Variants in AR observed in about 807,000 individuals in gnomAD.
AR encodes androgen receptor.
Under a neutral mutation model 53.9 loss-of-function variants are expected in AR, and 8 were observed. The observed-to-expected ratio is 0.15, with a 90% CI of 0.09 to 0.27. The LOEUF is 0.27. Ranked by LOEUF, AR falls within the 10% of genes least tolerant of loss-of-function variation. The probability of loss-of-function intolerance (pLI) is 1.00; values close to 1 mark genes in which losing one functional copy is unlikely to be tolerated. For synonymous variants in AR, 359 were observed against 316.4 expected, an observed-to-expected ratio of 1.13 and a Z score of -1.43; for missense variants, 639 against 742.5, an observed-to-expected ratio of 0.86 and a Z score of 1.62.
chrX:67,695,707 C>T, intron 3 of AR: 1 of 748,499 alleles, frequency 1.3e-6, no homozygotes, highest in Non-Finnish European at 1.6e-6. Flanking sequence ...TTGCCTGGGG[C>T]CTGTCTTTCC....
chrX:67,675,879 C>A (rs758171143), intron 2 of AR, among the ~76,000 whole-genome samples: 49 of 111,397 alleles, frequency 4.4e-4, no homozygotes, highest in Non-Finnish European at 7.7e-4. Flanking sequence ...CTTGCTCCAC[C>A]TCTACCCTAG....
In AR at chrX:67,545,222, C is replaced by G. The variant is rs2147314038; in HGVS notation, c.76C>G (p.Leu26Val). ...GACCTACCGAGGAGCTTTCCAGAAT[C>G]TGTTCCAGAGCGTGCGCGAAGTGAT... ...SKTYRGAFQN[L>V]FQSVREVIQN... Residue 26 changes from leucine to valine, a missense_variant, in exon 1 of 8, where the codon CTG becomes GTG. By Grantham distance (32) the Leu-to-Val change is conservative. Around this residue, in one of 5 missense-constraint regions of AR, gnomAD observed 55 missense variants for 84.8 expected, o/e 0.65. Transcript: ENST00000374690. The G allele has an allele frequency of 8.3e-7, 1 of 1,210,343 alleles. No homozygotes were observed. The highest frequency in any genetic ancestry group is 1.1e-6 in the Non-Finnish European group (1 of 895,162).
In AR at chrX:67,658,656, G is replaced by C. The variant is rs1926705411; in HGVS notation, c.1768+15249G>C. Reference sequence around the variant, plus strand: ...CTTGAAACTAGGGAGAGATGTGTGAGTTCTGGGCAACCAGTAGTTGGCTTT... The same window carrying C: ...CTTGAAACTAGGGAGAGATGTGTGACTTCTGGGCAACCAGTAGTTGGCTTT... On this transcript the variant is annotated intron_variant, in intron 2 of 7. Transcript: ENST00000374690. Among the ~76,000 whole-genome samples the C allele has an allele frequency of 3.6e-5, 4 of 111,631 alleles. No homozygotes were observed. In the South Asian group the frequency reaches 1.5e-3, roughly 42 times the overall value.
chrX:67,708,500 A>T (rs956390389), intron 3 of AR, among the ~76,000 whole-genome samples: 1 of 111,756 alleles, frequency 8.9e-6, no homozygotes, highest in African/African-American at 3.3e-5. Context: ...CCATCAGGTC[A>T]TTTAAGGCCG....
At chrX:67,648,509 C>T (rs1276098755) in intron 2 of AR, among the ~76,000 whole-genome samples, 2 of 111,612 alleles carry the variant, frequency 1.8e-5, no homozygotes, top group Non-Finnish European at 3.8e-5. Flanking sequence ...TATATTACCT[C>T]ATGATTCTGT....
At chrX:67,550,783 T>C (rs977147459) in intron 1 of AR, among the ~76,000 whole-genome samples, 15 of 110,359 alleles carry the variant, frequency 1.4e-4, no homozygotes, top group African/African-American at 4.9e-4. Context: ...AAGTGCTGCC[T>C]GTCCCCGATT....
chrX:67,589,552 C>A (rs1269405242), intron 1 of AR, among the ~76,000 whole-genome samples: 2 of 111,924 alleles, frequency 1.8e-5, no homozygotes, highest in African/African-American at 6.5e-5. Context: ...TGTTGCCTTC[C>A]ATGAGGATCC....
At chrX:67,684,723 A>G (rs1012647711) in intron 2 of AR, among the ~76,000 whole-genome samples, 1 of 112,254 alleles carries the variant, frequency 8.9e-6, no homozygotes, top group Non-Finnish European at 1.9e-5. Flanking sequence ...TTTAAGTAAA[A>G]GAAGTTCTTT....
intron 4 of AR, among the ~76,000 whole-genome samples, chrX:67,717,089 A>AC (rs2076116328): frequency 8.9e-6 from 1 of 112,038 alleles, no homozygotes; most frequent in Non-Finnish European, 1.9e-5. Context: ...AGTTAAATGT[A>AC]CCCCATAAAT....
At chrX:67,557,574 A>G (rs1406853831) in intron 1 of AR, among the ~76,000 whole-genome samples, 1 of 111,869 alleles carries the variant, frequency 8.9e-6, no homozygotes, top group African/African-American at 3.3e-5. Context: ...CCTAGGCTGT[A>G]GGTACCCTCT....
At chrX:67,645,996 T>A (rs1431286416) in intron 2 of AR, among the ~76,000 whole-genome samples, 1 of 112,096 alleles carries the variant, frequency 8.9e-6, no homozygotes, top group African/African-American at 3.2e-5. Context: ...AAATTATACC[T>A]GTCTTAGAGA....
At chrX:67,579,842 T>C (rs2147354150) in intron 1 of AR, among the ~76,000 whole-genome samples, 1 of 111,791 alleles carries the variant, frequency 8.9e-6, no homozygotes, top group African/African-American at 3.2e-5. Context: ...CCTCCAGGTG[T>C]CATGAATGCA....
intron 1 of AR, among the ~76,000 whole-genome samples, chrX:67,623,477 G>A (rs1290555734): frequency 9.0e-6 from 1 of 111,536 alleles, no homozygotes; most frequent in Non-Finnish European, 1.9e-5. Flanking sequence ...AAAACTTACA[G>A]GATACAGCCA....
chrX:67,708,780 C>T (rs763817543), intron 3 of AR, among the ~76,000 whole-genome samples: 1 of 111,228 alleles, frequency 9.0e-6, no homozygotes, highest in African/African-American at 3.3e-5. Context: ...TTTTATCTAC[C>T]TTTGGTCTTT....
intron 4 of AR, among the ~76,000 whole-genome samples, chrX:67,715,938 T>C (rs1396205394): frequency 8.9e-6 from 1 of 111,876 alleles, no homozygotes; most frequent in Non-Finnish European, 1.9e-5. Flanking sequence ...ACTTTAAGCA[T>C]CCAACTGTTT....
intron 1 of AR, among the ~76,000 whole-genome samples, chrX:67,558,894 G>A (rs1342248477): frequency 8.9e-6 from 1 of 112,170 alleles, no homozygotes; most frequent in East Asian, 2.8e-4. Context: ...CTATGTTGTA[G>A]ATGAAGAAAC....
chrX:67,581,747 G>A (rs1024273276), intron 1 of AR, among the ~76,000 whole-genome samples: 10 of 111,697 alleles, frequency 9.0e-5, no homozygotes, highest in African/African-American at 3.2e-4. Context: ...CCAGTAAGCC[G>A]CTAAGCCTAG....
At chrX:67,556,036 A>T (rs1340783124) in intron 1 of AR, among the ~76,000 whole-genome samples, 6 of 112,580 alleles carry the variant, frequency 5.3e-5, no homozygotes, top group Non-Finnish European at 1.1e-4. Flanking sequence ...AAACAGTGAC[A>T]CTGGATATAT....
At chrX:67,632,920 A>G (rs1375653045) in intron 1 of AR, among the ~76,000 whole-genome samples, 3 of 112,130 alleles carry the variant, frequency 2.7e-5, no homozygotes, top group Non-Finnish European at 5.6e-5. Flanking sequence ...AATGCTCAAC[A>G]TCATTAGTCA....
Sources: gnomAD v4.1 joint callset for allele counts (sites outside exome capture counted in the v4.1 genomes callset) on GRCh38, gnomAD v4.1.1 for gene constraint, gnomAD v4.1.1 regional missense constraint, MANE v1.5 for transcripts, NCBI Gene and HGNC (gene_info 2026-07-23, HGNC 2026-07-21) for gene names.